The following EIF3A variants were observed in gnomAD, a reference collection of about 807,000 sequenced individuals.
EIF3A encodes eukaryotic translation initiation factor 3 subunit A, also known as EIF3, p180 subunit.
EIF3A carries 21 observed loss-of-function variants against 186.6 expected under a neutral mutation model. That is an observed-to-expected ratio of 0.11 (90% CI 0.08 to 0.16). The LOEUF (loss-of-function observed/expected upper bound fraction) is 0.16, where lower values mean the gene tolerates loss of function less well. EIF3A is among the 10% of genes least tolerant of loss of function. The pLI is 1.00. For synonymous variants in EIF3A, 563 were observed against 584.3 expected, an observed-to-expected ratio of 0.96 and a Z score of 0.52; for missense variants, 1,306 against 1,796.3, an observed-to-expected ratio of 0.73 and a Z score of 4.93.
intron 14 of EIF3A, among the ~76,000 whole-genome samples, chr10:119,053,960 G>C (rs540950218): frequency 1.3e-4 from 20 of 152,254 alleles, no homozygotes; most frequent in Middle Eastern, 3.4e-3. Flanking sequence ...TCCCATGGTT[G>C]CCCAGGGTGG....
intron 18 of EIF3A, among the ~76,000 whole-genome samples, chr10:119,043,806 G>C (rs1848246622): frequency 6.7e-6 from 1 of 149,728 alleles, no homozygotes; most frequent in South Asian, 2.1e-4. Flanking sequence ...TGTAATCCCA[G>C]CTATTCGAGA....
At chr10:119,061,021 T>C in intron 8 of EIF3A, 177 bp from the exon 9 acceptor site, 1 of 579,448 alleles carries the variant, frequency 1.7e-6, no homozygotes, top group Non-Finnish European at 3.0e-6. Flanking sequence ...GCTAAATTAG[T>C]CATGCTGCTA....
chr10:119,070,903 T>C lies in EIF3A; in HGVS notation c.724A>G (p.Ser242Gly). Residue 242 changes from serine (S) to glycine (G), a missense_variant, in exon 5 of 22, where the codon AGC becomes GGC. Transcript: ENST00000369144. ...CAACATACCTGCCACAATTCCATGCTGATAGCACTGTCCAGCTGAACAAGT... is the reference window on the plus strand; with the variant it reads ...CAACATACCTGCCACAATTCCATGCCGATAGCACTGTCCAGCTGAACAAGT... ...TRLVQLDSAISMELWQEAFKA... is the reference protein window; with the variant it reads ...TRLVQLDSAIGMELWQEAFKA... 6.2e-7 allele frequency: 1 copy of C among 1,613,078 alleles called. No individual in the cohort carries two copies. Among genetic ancestry groups the C allele is most frequent in the Non-Finnish European group, 8.5e-7 (1 of 1,178,986 alleles).
intron 1 of EIF3A, chr10:119,080,251 C>A: frequency 1.1e-6 from 1 of 934,652 alleles, no homozygotes; most frequent in Non-Finnish European, 1.3e-6. Context: ...TCCCAGATGG[C>A]GGCCGGGGAC....
rs1017277054 is a variant in EIF3A at position 119,056,659 on chromosome 10, G to C, written c.2196+81C>G. ...TTCTAGCAGAAGAATACAAAATAAA[G>C]CAATTCTGAATCCTTGGTTCCATTA... On this transcript the variant is annotated intron_variant, in intron 14 of 21. Coordinates refer to ENST00000369144, the MANE Select transcript of EIF3A (RefSeq NM_003750.4). 4.4e-6 allele frequency: 4 copies of C among 901,290 alleles called. No homozygotes were observed. The African/African-American group carries it at 6.8e-5, about 15-fold the overall frequency. The allele number at this position is 901,290 out of a possible 1,614,324, so 55.8% of individuals were successfully genotyped here.
chr10:119,062,322 C>A (rs1409039871), intron 7 of EIF3A, among the ~76,000 whole-genome samples: 1 of 152,158 alleles, frequency 6.6e-6, no homozygotes, highest in Non-Finnish European at 1.5e-5. Context: ...AATTATATTT[C>A]TCACTAAAAT....
intron 18 of EIF3A, among the ~76,000 whole-genome samples, chr10:119,043,369 G>A (rs1260953792): frequency 6.6e-6 from 1 of 152,140 alleles, no homozygotes; most frequent in Non-Finnish European, 1.5e-5. Flanking sequence ...AACCCAGGAG[G>A]CGGAGGCTGC....
At chr10:119,043,973 A>G (rs1848249442) in intron 18 of EIF3A, 81 bp downstream of exon 18, 1 of 1,052,724 alleles carries the variant, frequency 9.5e-7, no homozygotes, top group Non-Finnish European at 1.5e-6. Context: ...CCCTGCCTCT[A>G]CAAAATGAAC....
chr10:119,080,149 T>C (rs938279397), intron 1 of EIF3A, among the ~76,000 whole-genome samples: 2 of 151,902 alleles, frequency 1.3e-5, no homozygotes, highest in African/African-American at 4.8e-5. Flanking sequence ...CGGGGGTGGG[T>C]CCGTAGGGCT....
intron 4 of EIF3A, among the ~76,000 whole-genome samples, chr10:119,071,401 A>G (rs1011553022): frequency 2.6e-5 from 4 of 152,182 alleles, no homozygotes; most frequent in African/African-American, 9.7e-5. Flanking sequence ...TCCTAGGAGT[A>G]AAAAAATCTA....
At position 119,055,870 on chromosome 10, in the gene EIF3A, T is replaced by C. The variant is rs193190288; in HGVS notation, c.2196+870A>G. Among the ~76,000 whole-genome samples, 43 of 152,296 alleles carry C rather than the reference T, an allele frequency of 2.8e-4. 3 individuals are homozygous for C. The South Asian group carries it at 8.5e-3, about 30-fold the overall frequency. On this transcript the variant is annotated intron_variant, in intron 14 of 21. Coordinates refer to ENST00000369144, the MANE Select transcript of EIF3A (RefSeq NM_003750.4). ...ATGGCTATTTCTTTTCTACCCTACA[T>C]GAAAAACTGAAGGCTCCAAATCAAC...
In EIF3A at chr10:119,033,961, A is replaced by C. The variant is rs1279231075; in HGVS notation, c.*2078T>G. On this transcript the variant is annotated 3_prime_UTR_variant, in exon 22 of 22. Coordinates refer to ENST00000369144, the MANE Select transcript of EIF3A (RefSeq NM_003750.4). ...CCACCTCCTGGTAGTCACTATGGAC[A>C]ACTAATGAGATGCAAAGTCTTTTGG... 1 of 167,044 alleles carries C rather than the reference A, an allele frequency of 6.0e-6. No homozygotes were observed. Among genetic ancestry groups the C allele is most frequent in the East Asian group, 1.9e-4 (1 of 5,206 alleles). The allele number at this position is 167,044 out of a possible 1,614,324, so 10.3% of individuals were successfully genotyped here.
intron 14 of EIF3A, among the ~76,000 whole-genome samples, chr10:119,053,553 A>C (rs1396439739): frequency 1.3e-5 from 1 of 76,944 alleles, no homozygotes; most frequent in Non-Finnish European, 2.4e-5. Flanking sequence ...CTCCACTAAA[A>C]ATACAAAAAA....
intron 7 of EIF3A, among the ~76,000 whole-genome samples, chr10:119,061,900 T>A (rs956348748): frequency 6.6e-6 from 1 of 152,208 alleles, no homozygotes; most frequent in Non-Finnish European, 1.5e-5. Flanking sequence ...TCATTTTTTT[T>A]AGGAACTGTT....
In EIF3A at chr10:119,061,274, A is replaced by C. The variant is rs772075341; in HGVS notation, c.1177T>G (p.Trp393Gly). ...AATGGGTTAAATTCTACTTCAAGCC[A>C]ATTGTAAAGGTCTTTCACTTCTGGG... ...VVPEVKDLYN[W>G]LEVEFNPLKL... is the part of the protein sequence containing the mutation. Residue 393 changes from tryptophan (W) to glycine (G), a missense_variant, in exon 8 of 22, where the codon TGG (tryptophan) becomes GGG (glycine). This residue lies in a region of EIF3A where 267 missense variants were observed against 367.8 expected (regional missense o/e 0.73). Transcript: ENST00000369144. The C allele has an allele frequency of 6.3e-7, 1 of 1,597,862 alleles. No homozygotes were observed. Among genetic ancestry groups the C allele is most frequent in the Non-Finnish European group, 8.5e-7 (1 of 1,169,842 alleles).
Position 119,042,008 on chromosome 10 carries a change from G to T in EIF3A, c.3512C>A (p.Pro1171Gln), listed in dbSNP as rs373036457. The change falls in exon 19 of 22, where the codon CCA becomes CAA. Residue 1171 changes from proline (P) to glutamine (Q), a missense_variant. Coordinates refer to ENST00000369144, the MANE Select transcript of EIF3A (RefSeq NM_003750.4). The surrounding 1 kb of genome is among the most constrained non-coding windows in gnomAD (Gnocchi z 7.8). ...GDDSRPGPWR[P>Q]LVKPGGWREK... ...TAGAATTTTACCTGGCTTGACTAATGGTCTCCAAGGACCAGGTCTTGAGTC... is the reference window on the plus strand; with the variant it reads ...TAGAATTTTACCTGGCTTGACTAATTGTCTCCAAGGACCAGGTCTTGAGTC... 1 of 1,614,056 alleles carries T rather than the reference G, an allele frequency of 6.2e-7. No individual in the cohort carries two copies. The highest frequency in any genetic ancestry group is 8.5e-7 in the Non-Finnish European group (1 of 1,179,954).
chr10:119,080,616 T>TCAGCTA lies in EIF3A; in HGVS notation c.49+6_49+11dup. ...GCCGCCCCAGCCCGGCGCGCCCCGATCAGCTACTCACCGTTGGCGCGTTTG... is the reference window on the plus strand; with the variant it reads ...GCCGCCCCAGCCCGGCGCGCCCCGATCAGCTACAGCTACTCACCGTTGGCGCGTTTG... On this transcript the variant is annotated intron_variant, in intron 1 of 21. Coordinates refer to ENST00000369144, the MANE Select transcript of EIF3A (RefSeq NM_003750.4). 6.3e-7 allele frequency: 1 copy of TCAGCTA among 1,581,192 alleles called. No individual in the cohort carries two copies. The highest frequency in any genetic ancestry group is 8.6e-7 in the Non-Finnish European group (1 of 1,166,254).
intron 1 of EIF3A, 148 bp from the exon 2 acceptor site, chr10:119,074,085 A>T: frequency 1.5e-6 from 1 of 646,786 alleles, no homozygotes; most frequent in South Asian, 2.8e-5. Context: ...CTATGCCATA[A>T]TTATCAAAAG....
chr10:119,074,022 C>T lies in EIF3A; in HGVS notation c.50-85G>A, dbSNP rs1589696925. ...CCTTTTTAAACAGCTATTTCAATTC[C>T]CCAACTCATTACCAACTTTTTACCA... On this transcript the variant is annotated intron_variant, in intron 1 of 21. Transcript: ENST00000369144. The T allele has an allele frequency of 4.2e-6, 5 of 1,179,490 alleles. No homozygotes were observed. In the African/African-American group the frequency reaches 6.3e-5, roughly 15 times the overall value. 73.1% of individuals were successfully genotyped at this position (1,179,490 alleles called of 1,614,324 possible).
Sources: allele counts gnomAD v4.1 joint callset (sites outside exome capture counted in the v4.1 genomes callset), GRCh38; gene constraint gnomAD v4.1.1; regional missense constraint gnomAD v4.1.1; non-coding constraint Gnocchi (gnomAD v3.1); transcripts MANE v1.5; gene names NCBI Gene and HGNC (gene_info 2026-07-23, HGNC 2026-07-21).